The following KCNH1 variants were observed in gnomAD, a reference collection of about 807,000 sequenced individuals.
The protein encoded by KCNH1 is potassium voltage-gated channel subfamily H member 1, also known as voltage-gated delayed rectifier potassium channel KCNH1.
A neutral mutation model predicts 69.2 loss-of-function variants in KCNH1; 27 were observed. The observed-to-expected ratio is 0.39, with a 90% CI of 0.29 to 0.54. The LOEUF (loss-of-function observed/expected upper bound fraction) is 0.54, where lower values mean the gene tolerates loss of function less well. Among genes scored for constraint, KCNH1 ranks in the 20% least tolerant of loss-of-function variants. The pLI is 0.68. For missense variants in KCNH1, 798 were observed against 1,261.6 expected, an observed-to-expected ratio of 0.63 and a Z score of 5.57; for synonymous variants, 456 against 487.7, an observed-to-expected ratio of 0.93 and a Z score of 0.86.
Position 210,804,180 on chromosome 1 carries a change from G to C in KCNH1, c.1463-14C>G, listed in dbSNP as rs115279651. The C allele has an allele frequency of 5.3e-4, 851 of 1,597,692 alleles. 5 individuals are homozygous for C. The African/African-American group carries it at 0.01, about 19-fold the overall frequency. ...CATAGAGAAGTGCTAGAGGTGAGGA[G>C]GAGGAGCAAAAGAAGAAATAACAAG... On this transcript the variant is annotated splice_polypyrimidine_tract_variant and intron_variant, in intron 7 of 10. Coordinates refer to ENST00000271751, the MANE Select transcript of KCNH1 (RefSeq NM_172362.3).
chr1:210,783,911 A>G (rs1416510867), intron 9 of KCNH1, among the ~76,000 whole-genome samples: 1 of 152,242 alleles, frequency 6.6e-6, no homozygotes, highest in Non-Finnish European at 1.5e-5. Flanking sequence ...AGGTATATAC[A>G]AAGGTGCTTT....
rs541046200 is a variant in KCNH1, at chr1:210,940,462, C to T, written c.1033-20393G>A. ...TACATTCAGGGGAAGGATGTGGTTA[C>T]TGAGTGTAAAGAGAGCTTTGAACTA... is the stretch of plus-strand genomic sequence containing the variant. On this transcript the variant is annotated intron_variant, in intron 6 of 10. Transcript: ENST00000271751. Among the ~76,000 whole-genome samples the T allele has an allele frequency of 3.3e-5, 5 of 152,338 alleles. No homozygotes were observed. The South Asian group carries it at 1.0e-3, about 32-fold the overall frequency.
chr1:210,809,912 C>T (rs1043902624), intron 7 of KCNH1, among the ~76,000 whole-genome samples: 7 of 152,038 alleles, frequency 4.6e-5, no homozygotes, highest in African/African-American at 1.7e-4. Context: ...TCTCTGAAGT[C>T]CCCTTGGCCA....
intron 10 of KCNH1, among the ~76,000 whole-genome samples, chr1:210,751,755 A>G (rs920185420): frequency 3.3e-5 from 5 of 152,166 alleles, no homozygotes; most frequent in African/African-American, 1.2e-4. Flanking sequence ...AGCTTAAATT[A>G]TTGTTTACAA....
intron 6 of KCNH1, among the ~76,000 whole-genome samples, chr1:210,997,886 C>T (rs61850221): frequency 6.6e-5 from 10 of 152,134 alleles, no homozygotes; most frequent in East Asian, 1.9e-4. Flanking sequence ...GAATTTTCAG[C>T]GCAGAATTTC....
chr1:211,002,360 A>G (rs1365105235), intron 6 of KCNH1, among the ~76,000 whole-genome samples: 1 of 149,190 alleles, frequency 6.7e-6, no homozygotes, highest in Non-Finnish European at 1.5e-5. Context: ...ATATACACAC[A>G]CACATATATA....
chr1:211,105,532 A>G (rs1261553170), intron 2 of KCNH1, among the ~76,000 whole-genome samples: 1 of 152,234 alleles, frequency 6.6e-6, no homozygotes, highest in East Asian at 1.9e-4. Flanking sequence ...GCTATCAGGA[A>G]CATAGCTAGC....
intron 3 of KCNH1, among the ~76,000 whole-genome samples, chr1:211,099,657 T>C (rs1691221719): frequency 6.6e-6 from 1 of 152,212 alleles, no homozygotes; most frequent in African/African-American, 2.4e-5. Flanking sequence ...TCCTGTTTCT[T>C]GGTAAATATC....
At chr1:210,840,318 G>C (rs1344753065) in intron 7 of KCNH1, among the ~76,000 whole-genome samples, 2 of 152,058 alleles carry the variant, frequency 1.3e-5, no homozygotes, top group Non-Finnish European at 2.9e-5. Flanking sequence ...AACAAAACCA[G>C]CAGTTGTTCT....
At chr1:210,749,741 A>ATT (rs1558453568) in intron 10 of KCNH1, among the ~76,000 whole-genome samples, 3 of 112,136 alleles carry the variant, frequency 2.7e-5, no homozygotes, top group African/African-American at 1.2e-4. Context: ...AAGGCTGCTC[A>ATT]CTTTTTTTTT....
intron 10 of KCNH1, among the ~76,000 whole-genome samples, chr1:210,759,170 C>CACAT (rs1395703995): frequency 2.0e-5 from 3 of 151,528 alleles, no homozygotes; most frequent in Non-Finnish European, 4.4e-5. Flanking sequence ...CACACACACA[C>CACAT]ACACACATAT....
intron 6 of KCNH1, among the ~76,000 whole-genome samples, chr1:211,006,788 T>C (rs1689294272): frequency 6.6e-6 from 1 of 152,214 alleles, no homozygotes; most frequent in South Asian, 2.1e-4. Flanking sequence ...AATTTTGATA[T>C]GTCCATACAA....
chr1:211,051,731 G>T (rs958054685), intron 5 of KCNH1, among the ~76,000 whole-genome samples: 1 of 152,128 alleles, frequency 6.6e-6, no homozygotes. Context: ...AGACATTAAA[G>T]GATTTTTAAG....
chr1:211,102,957 C>T (rs1291437846), intron 3 of KCNH1, among the ~76,000 whole-genome samples: 2 of 152,222 alleles, frequency 1.3e-5, no homozygotes, highest in Non-Finnish European at 2.9e-5. Flanking sequence ...AAGTTTTATA[C>T]TTCTGTATGG....
At chr1:211,096,254 G>A (rs1387529818) in intron 3 of KCNH1, among the ~76,000 whole-genome samples, 1 of 151,994 alleles carries the variant, frequency 6.6e-6, no homozygotes, top group African/African-American at 2.4e-5. Flanking sequence ...AGTAGAGATG[G>A]GGTTTTGCCA....
chr1:210,708,223 T>G (rs544873090), intron 10 of KCNH1, among the ~76,000 whole-genome samples: 1 of 140,460 alleles, frequency 7.1e-6, no homozygotes, highest in South Asian at 2.1e-4. Context: ...CTTCCCCCAC[T>G]CCCATTGTTG....
intron 6 of KCNH1, among the ~76,000 whole-genome samples, chr1:210,945,297 A>C (rs1574353158): frequency 1.3e-5 from 2 of 152,300 alleles, no homozygotes; most frequent in East Asian, 3.9e-4. Flanking sequence ...ACTCTTACAC[A>C]ATGTATACTA....
intron 10 of KCNH1, among the ~76,000 whole-genome samples, chr1:210,769,639 A>C (rs1683711414): frequency 6.6e-6 from 1 of 152,238 alleles, no homozygotes; most frequent in Non-Finnish European, 1.5e-5. Context: ...CTACGTGCCA[A>C]TTATCCCATG....
At chr1:210,747,348 G>A (rs1389873584) in intron 10 of KCNH1, among the ~76,000 whole-genome samples, 3 of 151,906 alleles carry the variant, frequency 2.0e-5, no homozygotes, top group Non-Finnish European at 4.4e-5. Context: ...TAGAAATCAG[G>A]GTCTAAGGAG....
Sources: allele counts gnomAD v4.1 joint callset (sites outside exome capture counted in the v4.1 genomes callset), GRCh38; gene constraint gnomAD v4.1.1; transcripts MANE v1.5; gene names NCBI Gene and HGNC (gene_info 2026-07-23, HGNC 2026-07-21).